IKZF1: variants seen among roughly 807,000 people sequenced by gnomAD.
IKZF1 encodes the protein DNA-binding protein Ikaros.
Under a neutral mutation model 51.7 loss-of-function variants are expected in IKZF1, and 10 were observed. That is an observed-to-expected ratio of 0.19 (90% CI 0.12 to 0.33). IKZF1 has a LOEUF of 0.33. Ranked by LOEUF, IKZF1 falls within the 10% of genes least tolerant of loss-of-function variation. The probability of loss-of-function intolerance (pLI) is 1.00; values close to 1 mark genes in which losing one functional copy is unlikely to be tolerated. For synonymous variants in IKZF1, 280 were observed against 282.3 expected (o/e 0.99, Z 0.08); for missense variants, 484 against 707.5 (o/e 0.68, Z 3.58).
intron 7 of IKZF1, chr7:50,394,088 TAAAC>T: frequency 4.3e-6 from 1 of 232,300 alleles, no homozygotes; most frequent in East Asian, 6.1e-5. Flanking sequence ...GTAGAAGAAA[TAAAC>T]AACACAGTGC....
At position 50,402,010 on chromosome 7, in the gene IKZF1, C is replaced by T. The variant is rs973444543; in HGVS notation, c.*1383C>T. 3.5e-5 allele frequency: 8 copies of T among 229,298 alleles called. No homozygotes were observed. The highest frequency in any genetic ancestry group is 6.9e-5 in the Non-Finnish European group (8 of 115,538). 14.2% of individuals were successfully genotyped at this position (229,298 alleles called of 1,614,324 possible). A position where few individuals can be genotyped will look rare whatever the true frequency, so the allele number is the denominator to read the frequency against. On this transcript the variant is annotated 3_prime_UTR_variant, in exon 8 of 8. Transcript: ENST00000331340. ...CCTTCGGAGAGTAATGCCACCAGATCCCCTAGGAAAGAGGAGGCAAATGGC... is the reference window on the plus strand; with the variant it reads ...CCTTCGGAGAGTAATGCCACCAGATTCCCTAGGAAAGAGGAGGCAAATGGC...
chr7:50,343,893 C>T (rs79439433), intron 3 of IKZF1, among the ~76,000 whole-genome samples: 8,916 of 152,256 alleles, frequency 0.059, 459 homozygotes, highest in African/African-American at 0.13. Context: ...AGTCCAAAAT[C>T]CTTTTAGAGC....
intron 5 of IKZF1, among the ~76,000 whole-genome samples, chr7:50,383,624 G>A (rs555146413): frequency 2.6e-5 from 4 of 152,312 alleles, no homozygotes; most frequent in South Asian, 2.1e-4. Flanking sequence ...ATGAGACTTC[G>A]GAGGCGAAAG....
intron 3 of IKZF1, among the ~76,000 whole-genome samples, chr7:50,348,237 A>C (rs967315977): frequency 5.9e-5 from 9 of 152,220 alleles, no homozygotes; most frequent in Admixed American, 3.9e-4. Context: ...GTTTGTCAGA[A>C]AAATAAATTC....
At chr7:50,344,888 C>T (rs1465889177) in intron 3 of IKZF1, among the ~76,000 whole-genome samples, 1 of 151,918 alleles carries the variant, frequency 6.6e-6, no homozygotes, top group Admixed American at 6.5e-5. Flanking sequence ...AGGAGCAGTG[C>T]TTACACAGAT....
In IKZF1 at chr7:50,376,607, G is replaced by A. The variant is rs1353402014; in HGVS notation, c.235G>A (p.Ala79Thr). 4 of 1,613,886 alleles carry A rather than the reference G, an allele frequency of 2.5e-6. No individual in the cohort carries two copies. In the African/African-American group the frequency reaches 5.3e-5, roughly 22 times the overall value. Residue 79 changes from alanine (A) to threonine (T), a missense_variant, in exon 4 of 8, where the codon GCG becomes ACG. By Grantham distance (58) the Ala-to-Thr change is moderately conservative (BLOSUM62 0). Coordinates refer to ENST00000331340, the MANE Select transcript of IKZF1 (RefSeq NM_006060.6). This position sits in a 1 kb window ranked among gnomAD's most constrained non-coding sequence, Gnocchi z 4.5. ...CTGTGAAATGAATGGGGAAGAATGT[G>A]CGGAGGATTTACGAATGCTTGATGC... The part of the protein sequence containing the change: ...RACEMNGEEC[A>T]EDLRMLDASG...
Position 50,402,708 on chromosome 7 carries a change from A to G in IKZF1, c.*2081A>G. On this transcript the variant is annotated 3_prime_UTR_variant, in exon 8 of 8. Transcript: ENST00000331340. ...AAATATATTTCCTCATAAACATTTGAGTTTTGTTGAAAAGATGGAGTTTAC... is the reference window on the plus strand; with the variant it reads ...AAATATATTTCCTCATAAACATTTGGGTTTTGTTGAAAAGATGGAGTTTAC... 1 of 230,128 alleles carries G rather than the reference A, an allele frequency of 4.3e-6. No homozygotes were observed. Among genetic ancestry groups the G allele is most frequent in the Non-Finnish European group, 8.6e-6 (1 of 116,024 alleles). The allele number at this position is 230,128 out of a possible 1,614,324, so 14.3% of individuals were successfully genotyped here. A position where few individuals can be genotyped will look rare whatever the true frequency, so the allele number is the denominator to read the frequency against.
intron 3 of IKZF1, among the ~76,000 whole-genome samples, chr7:50,375,448 C>G (rs752172435): frequency 6.6e-6 from 1 of 152,124 alleles, no homozygotes; most frequent in Non-Finnish European, 1.5e-5. Context: ...CCTACTTACT[C>G]TTATTAGTCT....
intron 2 of IKZF1, among the ~76,000 whole-genome samples, chr7:50,323,093 C>T (rs1793863358): frequency 6.6e-6 from 1 of 152,132 alleles, no homozygotes; most frequent in Non-Finnish European, 1.5e-5. Flanking sequence ...AATATTTTAT[C>T]AAGTTAAGCA....
intron 3 of IKZF1, among the ~76,000 whole-genome samples, chr7:50,362,754 A>G (rs1447502336): frequency 2.6e-5 from 4 of 152,158 alleles, no homozygotes; most frequent in Non-Finnish European, 5.9e-5. Context: ...GTGCAGACCC[A>G]TGGAAAGCTT....
intron 3 of IKZF1, among the ~76,000 whole-genome samples, chr7:50,336,282 G>A (rs1157471885): frequency 6.6e-6 from 1 of 150,416 alleles, no homozygotes; most frequent in Non-Finnish European, 1.5e-5. Context: ...CAGGGGGAGG[G>A]TGCAGAGGGA....
chr7:50,376,835 G>C lies in IKZF1; in HGVS notation c.421+42G>C. 1 of 1,604,564 alleles carries C rather than the reference G, an allele frequency of 6.2e-7. No homozygotes were observed. Among genetic ancestry groups the C allele is most frequent in the Non-Finnish European group, 8.5e-7 (1 of 1,173,680 alleles). On this transcript the variant is annotated intron_variant, in intron 4 of 7. Coordinates refer to ENST00000331340, the MANE Select transcript of IKZF1 (RefSeq NM_006060.6). This position sits in a 1 kb window ranked among gnomAD's most constrained non-coding sequence, Gnocchi z 4.5. ...TTTTTCCTTTAGTGGCCTGGAGAAGGTGCATGGGGTTTGAAGGAGGAAAGC... is the reference window on the plus strand; with the variant it reads ...TTTTTCCTTTAGTGGCCTGGAGAAGCTGCATGGGGTTTGAAGGAGGAAAGC...
intron 3 of IKZF1, chr7:50,327,988 G>A (rs1465627952): frequency 6.0e-6 from 3 of 497,836 alleles, no homozygotes; most frequent in Non-Finnish European, 1.1e-5. Context: ...AAATGTCCAA[G>A]TTGAGGAGCA....
intron 1 of IKZF1, among the ~76,000 whole-genome samples, chr7:50,307,399 TG>T (rs913698608): frequency 6.6e-6 from 1 of 152,232 alleles, no homozygotes; most frequent in Non-Finnish European, 1.5e-5. Flanking sequence ...ACGACCTTTT[TG>T]CGTTCTCTGA....
chr7:50,321,256 GTTTAC>G (rs1793192880), intron 2 of IKZF1, among the ~76,000 whole-genome samples: 1 of 152,102 alleles, frequency 6.6e-6, no homozygotes, highest in Admixed American at 6.6e-5. Context: ...TTCCTTAAGC[GTTTAC>G]TTTGTTTCGT....
At chr7:50,390,462 T>C (rs1368143073) in intron 6 of IKZF1, among the ~76,000 whole-genome samples, 1 of 152,204 alleles carries the variant, frequency 6.6e-6, no homozygotes, top group Non-Finnish European at 1.5e-5. Flanking sequence ...ATATAAAATA[T>C]ACCAGCAACA....
chr7:50,316,744 T>G (rs1306096559), intron 1 of IKZF1, among the ~76,000 whole-genome samples: 1 of 152,212 alleles, frequency 6.6e-6, no homozygotes, highest in African/African-American at 2.4e-5. Context: ...GACTTAGCAT[T>G]GATCACCTCT....
At chr7:50,345,188 A>G (rs1800049502) in intron 3 of IKZF1, among the ~76,000 whole-genome samples, 1 of 152,170 alleles carries the variant, frequency 6.6e-6, no homozygotes, top group Non-Finnish European at 1.5e-5. Flanking sequence ...AGAAATTATT[A>G]GTACATCCCA....
At chr7:50,304,508 G>T (rs1016103743), upstream of IKZF1, 3 of 150,236 alleles carry the variant, frequency 2.0e-5, no homozygotes, top group Non-Finnish European at 4.5e-5. Context: ...CGCGGCGGGG[G>T]CGGCCGGCGC....
Sources: gnomAD v4.1 joint callset for allele counts (sites outside exome capture counted in the v4.1 genomes callset) on GRCh38, gnomAD v4.1.1 for gene constraint, Gnocchi (gnomAD v3.1) non-coding constraint, MANE v1.5 for transcripts, NCBI Gene and HGNC (gene_info 2026-07-23, HGNC 2026-07-21) for gene names.